HDGFL3: variants seen among roughly 807,000 people sequenced by gnomAD.
HDGFL3 encodes HDGF like 3, also known as hepatoma-derived growth factor-related protein 3.
A neutral mutation model predicts 27.6 loss-of-function variants in HDGFL3; 6 were observed. That is an observed-to-expected ratio of 0.22 (90% CI 0.12 to 0.43). The LOEUF is 0.43. HDGFL3 is among the 20% of genes least tolerant of loss of function. HDGFL3 has a pLI of 1.00. For synonymous variants in HDGFL3, 88 were observed against 88.9 expected (o/e 0.99, Z 0.05); for missense variants, 207 against 250.1 (o/e 0.83, Z 1.16).
intron 1 of HDGFL3, chr15:83,184,772 G>A (rs2037419994): frequency 6.6e-6 from 1 of 152,186 alleles, no homozygotes; most frequent in African/African-American, 2.4e-5. Context: ...AATGGCAGAT[G>A]AAATGAGATG....
chr15:83,123,941 T>A (rs2035496662), downstream of HDGFL3, among the ~76,000 whole-genome samples: 1 of 150,458 alleles, frequency 6.6e-6, no homozygotes, highest in African/African-American at 2.4e-5. Context: ...AATTTGGCAA[T>A]GTTATCAACC....
chr15:83,184,756 A>G (rs1026220282), intron 1 of HDGFL3: 1 of 152,246 alleles, frequency 6.6e-6, no homozygotes, highest in Non-Finnish European at 1.5e-5. Flanking sequence ...GAGCAGGAAG[A>G]AGGCAAATGG....
At position 83,112,808 on chromosome 15, in the gene HDGFL3, T is replaced by C. The variant is rs374990663; in HGVS notation, c.*2901A>G. ...TCTGGTCGTTGCAGTTCCTGGACTA[T>C]TGTAGGGGTTGCTGCCCTCATCCTG... On this transcript the variant is annotated 3_prime_UTR_variant, in exon 4 of 4. Transcript: ENST00000568294. 1.5e-5 allele frequency: 24 copies of C among 1,613,994 alleles called. No homozygotes were observed. The Middle Eastern group carries it at 4.9e-4, about 33-fold the overall frequency.
intron 2 of HDGFL3, among the ~76,000 whole-genome samples, chr15:83,159,496 T>C (rs1262606293): frequency 6.6e-6 from 1 of 152,156 alleles, no homozygotes; most frequent in East Asian, 1.9e-4. Context: ...TTGGAGCACA[T>C]GTTCTAGTGG....
At chr15:83,193,518 G>A (rs561854673) in intron 1 of HDGFL3, among the ~76,000 whole-genome samples, 5 of 152,236 alleles carry the variant, frequency 3.3e-5, no homozygotes, top group Admixed American at 1.3e-4. Context: ...AAAACAGTAC[G>A]GTGTTTCCTC....
In HDGFL3 at chr15:83,136,681, C is replaced by G. The variant is rs765355098; in HGVS notation, c.*2589G>C. 1 of 1,584,178 alleles carries G rather than the reference C, an allele frequency of 6.3e-7. No individual in the cohort carries two copies. Among genetic ancestry groups the G allele is most frequent in the East Asian group, 2.2e-5 (1 of 44,726 alleles). The stretch of plus-strand genomic sequence containing the variant: ...AAGAAAAAGTGGAATAAAAATATTA[C>G]TTCATGTTCCTCCTTTCTAAATTAC... On this transcript the variant is annotated 3_prime_UTR_variant, in exon 6 of 6. Transcript: ENST00000299633.
intron 1 of HDGFL3, among the ~76,000 whole-genome samples, chr15:83,188,665 C>T (rs1567176247): frequency 6.6e-6 from 1 of 152,120 alleles, no homozygotes; most frequent in African/African-American, 2.4e-5. Context: ...TCGTAATATA[C>T]TTTTTCCCTA....
chr15:83,198,437 T>C (rs559843320), intron 1 of HDGFL3, among the ~76,000 whole-genome samples: 9 of 152,228 alleles, frequency 5.9e-5, no homozygotes, highest in Non-Finnish European at 1.2e-4. Flanking sequence ...AACCTGACTT[T>C]ACATAAAATG....
At chr15:83,147,253 A>G (rs533561219) in intron 5 of HDGFL3, among the ~76,000 whole-genome samples, 1 of 151,770 alleles carries the variant, frequency 6.6e-6, no homozygotes, top group Admixed American at 6.6e-5. Context: ...AGTATGGTGT[A>G]TTTTCACCAT....
At chr15:83,156,618 G>A (rs777862173) in intron 4 of HDGFL3, among the ~76,000 whole-genome samples, 1 of 152,196 alleles carries the variant, frequency 6.6e-6, no homozygotes, top group African/African-American at 2.4e-5. Context: ...AAGCCTTGAC[G>A]TGTGGTAGGC....
intron 5 of HDGFL3, among the ~76,000 whole-genome samples, chr15:83,143,400 C>T (rs181265727): frequency 1.3e-3 from 195 of 152,066 alleles, no homozygotes; most frequent in African/African-American, 4.2e-3. Context: ...GCCTGGCCAA[C>T]GTGGTGAAAT....
chr15:83,147,025 C>G (rs1411176949), intron 5 of HDGFL3, among the ~76,000 whole-genome samples: 1 of 151,992 alleles, frequency 6.6e-6, no homozygotes, highest in Non-Finnish European at 1.5e-5. Context: ...ATGGATGAAC[C>G]AAGGTAGCCC....
chr15:83,159,369 C>T (rs2037069534), intron 2 of HDGFL3, among the ~76,000 whole-genome samples: 1 of 152,196 alleles, frequency 6.6e-6, no homozygotes, highest in African/African-American at 2.4e-5. Context: ...ACTTCTCAAA[C>T]TGAGATTCAC....
Position 83,136,595 on chromosome 15 carries a change from C to T in HDGFL3, c.*2675G>A. 1 of 1,613,758 alleles carries T rather than the reference C, an allele frequency of 6.2e-7. No homozygotes were observed. Among genetic ancestry groups the T allele is most frequent in the Non-Finnish European group, 8.5e-7 (1 of 1,179,838 alleles). On this transcript the variant is annotated 3_prime_UTR_variant, in exon 6 of 6. Transcript: ENST00000299633. ...ATTAAACATAGCATATGGAGTTCTT[C>T]CTCAGCTCTTGGCCTATCGTTGTAT...
chr15:83,181,160 A>G (rs2037376241), intron 1 of HDGFL3: 4 of 152,186 alleles, frequency 2.6e-5, no homozygotes, highest in African/African-American at 4.8e-5. Flanking sequence ...TAAAATAATT[A>G]TAAATAATTT....
intron 1 of HDGFL3, 139 bp from the exon 2 acceptor site, chr15:83,164,214 T>C: frequency 1.7e-6 from 1 of 595,000 alleles, no homozygotes; most frequent in South Asian, 2.3e-5. Context: ...AAAATGATTC[T>C]AAAGTTCCTA....
Position 83,130,557 on chromosome 15 carries a change from G to A in HDGFL3, c.*8713C>T, listed in dbSNP as rs1256423179. On this transcript the variant is annotated 3_prime_UTR_variant, in exon 6 of 6. Coordinates refer to ENST00000299633, the MANE Select transcript of HDGFL3 (RefSeq NM_016073.4). ...AAATGTCAGAAGGATGTTTCTCCCA[G>A]CCCAGCAGGTGAAGACAGACTGAGT... 1 of 152,272 alleles carries A rather than the reference G, an allele frequency of 6.6e-6. No individual in the cohort carries two copies. The highest frequency in any genetic ancestry group is 2.1e-4 in the South Asian group (1 of 4,830). 9.4% of individuals were successfully genotyped at this position (152,272 alleles called of 1,614,324 possible). A position where few individuals can be genotyped will look rare whatever the true frequency, so the allele number is the denominator to read the frequency against.
At chr15:83,192,108 A>AT in intron 1 of HDGFL3, 1 of 290,894 alleles carries the variant, frequency 3.4e-6, no homozygotes, top group Non-Finnish European at 6.7e-6. Context: ...CGCCTGGCTA[A>AT]TTTTTTGTAT....
chr15:83,161,643 G>A (rs773961250), intron 2 of HDGFL3, among the ~76,000 whole-genome samples: 5 of 152,042 alleles, frequency 3.3e-5, no homozygotes, highest in Non-Finnish European at 7.4e-5. Flanking sequence ...CTAGCATTCC[G>A]CAGGAATGAC....
Sources: allele counts gnomAD v4.1 joint callset (sites outside exome capture counted in the v4.1 genomes callset), GRCh38; gene constraint gnomAD v4.1.1; transcripts MANE v1.5; gene names NCBI Gene and HGNC (gene_info 2026-07-23, HGNC 2026-07-21).